The following ZBTB49 variants were observed in gnomAD, a reference collection of about 807,000 sequenced individuals.
The protein encoded by ZBTB49 is zinc finger and BTB domain containing 49.
ZBTB49 carries 43 observed loss-of-function variants against 57.5 expected under a neutral mutation model. That is an observed-to-expected ratio of 0.75 (90% CI 0.59 to 0.97). The LOEUF (loss-of-function observed/expected upper bound fraction) is 0.97, where lower values mean the gene tolerates loss of function less well. ZBTB49 is among the 50% of genes least tolerant of loss of function. ZBTB49 has a pLI of 0.00. For synonymous variants in ZBTB49, 369 were observed against 362.1 expected, an observed-to-expected ratio of 1.02 and a Z score of -0.22; for missense variants, 938 against 947.7, an observed-to-expected ratio of 0.99 and a Z score of 0.13.
Position 4,302,981 on chromosome 4 carries a change from T to G in ZBTB49, c.1145T>G (p.Leu382Arg). 1 of 1,614,230 alleles carries G rather than the reference T, an allele frequency of 6.2e-7. No individual in the cohort carries two copies. Among genetic ancestry groups the G allele is most frequent in the Non-Finnish European group, 8.5e-7 (1 of 1,180,040 alleles). Reference protein sequence around the residue: ...ETERPEDPAALEDQSQTLQSQ... With the variant: ...ETERPEDPAAREDQSQTLQSQ... Reference sequence around the variant, plus strand: ...GAGAGGCCTGAAGACCCGGCTGCCCTGGAAGACCAGTCCCAGACACTTCAG... The same window carrying G: ...GAGAGGCCTGAAGACCCGGCTGCCCGGGAAGACCAGTCCCAGACACTTCAG... Residue 382 changes from leucine (L) to arginine (R), a missense_variant, in exon 3 of 8, where the codon CTG becomes CGG. Transcript: ENST00000337872.
rs1364104744 is a variant in ZBTB49 at position 4,302,736 on chromosome 4, G to C, written c.900G>C (p.Gln300His). 4.3e-6 allele frequency: 7 copies of C among 1,613,982 alleles called. No homozygotes were observed. The highest frequency in any genetic ancestry group is 5.9e-6 in the Non-Finnish European group (7 of 1,179,980). Residue 300 changes from glutamine (Q) to histidine (H), a missense_variant, in exon 3 of 8, where the codon CAG (glutamine) becomes CAC (histidine). Physicochemically the swap from Gln to His is conservative, Grantham distance 24 (BLOSUM62 0). Coordinates refer to ENST00000337872, the MANE Select transcript of ZBTB49 (RefSeq NM_145291.4). ...CCACATGCCAACAACCTGTCAAGCA[G>C]ATGAGGCTCAAAAAGGCCATTCATC... Reference protein sequence around the residue: ...SDATCQQPVKQMRLKKAIHLK... With the variant: ...SDATCQQPVKHMRLKKAIHLK...
chr4:4,316,044 T>A, intron 7 of ZBTB49, 74 bp downstream of exon 7: 2 of 1,559,742 alleles, frequency 1.3e-6, no homozygotes, highest in Non-Finnish European at 1.7e-6. Context: ...CCTCATTAGC[T>A]GAGTGCGTGT....
chr4:4,305,655 G>C (rs1262680315), intron 3 of ZBTB49, among the ~76,000 whole-genome samples: 2 of 152,214 alleles, frequency 1.3e-5, no homozygotes, highest in Non-Finnish European at 2.9e-5. Flanking sequence ...GAAGACTGTG[G>C]TGAGGGGCTC....
At chr4:4,303,192 G>A (rs1327320008) in intron 3 of ZBTB49, 101 bp downstream of exon 3, 7 of 1,342,942 alleles carry the variant, frequency 5.2e-6, no homozygotes, top group Non-Finnish European at 3.0e-6. Context: ...GCTGTTGTTT[G>A]ATGTCATTGA....
At chr4:4,301,746 T>C (rs1300003422) in intron 2 of ZBTB49, among the ~76,000 whole-genome samples, 1 of 152,182 alleles carries the variant, frequency 6.6e-6, no homozygotes, top group Non-Finnish European at 1.5e-5. Flanking sequence ...TTTGAGTATA[T>C]TTCAAAATTT....
chr4:4,300,068 T>C lies in ZBTB49; in HGVS notation c.123T>C (p.Asn41=). The part of the protein sequence containing the change: ...VKGVCFKAHK[N]VLAAFSQYFR... ...GAGTCTGCTTTAAAGCGCATAAGAA[T>C]GTCCTGGCAGCATTCAGCCAGTATT... Residue 41 remains asparagine (N), a synonymous_variant, in exon 2 of 8, where the codon AAT becomes AAC. Coordinates refer to ENST00000337872, the MANE Select transcript of ZBTB49 (RefSeq NM_145291.4). 1.2e-6 allele frequency: 2 copies of C among 1,614,174 alleles called. No individual in the cohort carries two copies. The highest frequency in any genetic ancestry group is 1.7e-6 in the Non-Finnish European group (2 of 1,180,026).
intron 7 of ZBTB49, among the ~76,000 whole-genome samples, chr4:4,318,557 G>C (rs192121781): frequency 1.3e-5 from 2 of 152,256 alleles, no homozygotes; most frequent in East Asian, 3.9e-4. Flanking sequence ...GCAGTGAGCC[G>C]AGATCGTGCC....
At chr4:4,305,089 C>A (rs1343230351) in intron 3 of ZBTB49, among the ~76,000 whole-genome samples, 1 of 151,968 alleles carries the variant, frequency 6.6e-6, no homozygotes, top group African/African-American at 2.4e-5. Context: ...TATTATCTGT[C>A]ACCCCCAATA....
intron 1 of ZBTB49, among the ~76,000 whole-genome samples, chr4:4,298,324 G>T (rs1357898748): frequency 6.6e-6 from 1 of 152,174 alleles, no homozygotes; most frequent in Non-Finnish European, 1.5e-5. Flanking sequence ...GAAAAGCTTA[G>T]ATTTGGGATT....
At chr4:4,303,842 C>A (rs1720623180) in intron 3 of ZBTB49, among the ~76,000 whole-genome samples, 1 of 150,290 alleles carries the variant, frequency 6.7e-6, no homozygotes, top group African/African-American at 2.5e-5. Context: ...TATTACTTTT[C>A]TTCCTATAAT....
At position 4,302,961 on chromosome 4, in the gene ZBTB49, G is replaced by A. The variant is rs764594718; in HGVS notation, c.1125G>A (p.Arg375=). ...ENFNCISETE[R]PEDPAALEDQ... ...TTAATTGCATTAGTGAGACGGAGAG[G>A]CCTGAAGACCCGGCTGCCCTGGAAG... Residue 375 remains arginine, a synonymous_variant, in exon 3 of 8, where the codon AGG becomes AGA. Transcript: ENST00000337872. 26 of 1,614,076 alleles carry A rather than the reference G, an allele frequency of 1.6e-5. No homozygotes were observed. The East Asian group carries it at 3.1e-4, about 19-fold the overall frequency.
At chr4:4,298,233 G>C (rs972264435) in intron 1 of ZBTB49, among the ~76,000 whole-genome samples, 64 of 152,276 alleles carry the variant, frequency 4.2e-4, no homozygotes, top group Admixed American at 9.2e-4. Flanking sequence ...GGTGGTTTGG[G>C]GAGCTGCTAG....
In ZBTB49 at chr4:4,321,158, T is replaced by C; in HGVS notation, c.2140T>C (p.Ser714Pro). ...GGCCGATGGCATGGCCATGATCCGT[T>C]CCTCTCTGGCTGCTTTGGACAACCA... ...LQADGMAMIR[S>P]SLAALDNHGG... is the part of the protein sequence containing the mutation. The change falls in exon 8 of 8, where the codon TCC (serine) becomes CCC (proline). Residue 714 changes from serine (S) to proline (P), a missense_variant. By Grantham distance (74) the Ser-to-Pro change is moderately conservative. Around this residue, in one of 3 missense-constraint regions of ZBTB49, gnomAD observed 835 missense variants for 819.1 expected, o/e 1.02. Coordinates refer to ENST00000337872, the MANE Select transcript of ZBTB49 (RefSeq NM_145291.4). The C allele has an allele frequency of 6.2e-7, 1 of 1,614,166 alleles. No individual in the cohort carries two copies.
Position 4,320,941 on chromosome 4 carries a change from G to A in ZBTB49, c.1923G>A (p.Val641=). 1 of 1,614,200 alleles carries A rather than the reference G, an allele frequency of 6.2e-7. No homozygotes were observed. The highest frequency in any genetic ancestry group is 2.2e-5 in the East Asian group (1 of 44,886). ...CTGTCCACCCAGTGGAAAATTCTGT[G>A]GCAGAATTTGATAGCCACTCTGGCG... ...KLPVHPVENS[V]AEFDSHSGGS... Residue 641 remains valine, a synonymous_variant, in exon 8 of 8, where the codon GTG becomes GTA. Transcript: ENST00000337872.
At chr4:4,293,575 C>T (rs1720046269) in intron 1 of ZBTB49, among the ~76,000 whole-genome samples, 3 of 152,216 alleles carry the variant, frequency 2.0e-5, no homozygotes, top group African/African-American at 4.8e-5. Flanking sequence ...ACTCTACCCC[C>T]AAATTTAGTG....
In ZBTB49 at chr4:4,306,199, A is replaced by C; in HGVS notation, c.1302+15A>C. ...ATTTCTCTCAGGTGGGAATACTCTT[A>C]TTTATTGTTAATAATTGGAAACCTG... On this transcript the variant is annotated intron_variant, in intron 4 of 7. Transcript: ENST00000337872. 6.2e-7 allele frequency: 1 copy of C among 1,607,400 alleles called. No individual in the cohort carries two copies.
intron 1 of ZBTB49, among the ~76,000 whole-genome samples, chr4:4,297,362 G>A (rs1042011522): frequency 5.3e-5 from 8 of 152,136 alleles, no homozygotes; most frequent in South Asian, 2.1e-4. Context: ...GAGCCACTGC[G>A]CCCGACTGGG....
chr4:4,314,810 G>C (rs1721120404), intron 5 of ZBTB49, among the ~76,000 whole-genome samples: 1 of 152,262 alleles, frequency 6.6e-6, no homozygotes, highest in Non-Finnish European at 1.5e-5. Context: ...TCTAAGGCAA[G>C]TTAGTAACCG....
intron 2 of ZBTB49, 76 bp from the exon 3 acceptor site, chr4:4,301,913 A>C (rs1720487793): frequency 7.6e-7 from 1 of 1,307,662 alleles, no homozygotes; most frequent in East Asian, 2.8e-5. Context: ...TTTAATATTA[A>C]TATATGAATG....
Sources: allele counts gnomAD v4.1 joint callset (sites outside exome capture counted in the v4.1 genomes callset), GRCh38; gene constraint gnomAD v4.1.1; regional missense constraint gnomAD v4.1.1; transcripts MANE v1.5; gene names NCBI Gene and HGNC (gene_info 2026-07-23, HGNC 2026-07-21).